The following EFHC1 variants were observed in gnomAD, a reference collection of about 807,000 sequenced individuals.
The protein encoded by EFHC1 is EF-hand domain containing 1, also known as EF-hand domain-containing protein 1.
In EFHC1, 53 loss-of-function variants were observed where a neutral mutation model predicts 69.9. That is an observed-to-expected ratio of 0.76 (90% CI 0.61 to 0.95). The LOEUF (loss-of-function observed/expected upper bound fraction) is 0.95. EFHC1 is among the 40% of genes least tolerant of loss of function. The pLI is 0.00. For synonymous variants in EFHC1, 256 were observed against 278.4 expected, an observed-to-expected ratio of 0.92 and a Z score of 0.80; for missense variants, 739 against 798.7, an observed-to-expected ratio of 0.93 and a Z score of 0.90.
intron 9 of EFHC1, chr6:52,480,218 A>G: frequency 3.6e-6 from 1 of 275,408 alleles, no homozygotes; most frequent in South Asian, 4.8e-5. Flanking sequence ...AATAAGAAAG[A>G]GAAAATTATT....
In EFHC1 at chr6:52,452,741, T is replaced by C. The variant is rs141142186; in HGVS notation, c.627T>C (p.Leu209=). The C allele has an allele frequency of 1.1e-4, 180 of 1,614,104 alleles. No individual in the cohort carries two copies. Among genetic ancestry groups the C allele is most frequent in the Non-Finnish European group, 1.5e-4 (174 of 1,180,046 alleles). ...TAAATCCACCAGAGAAGATGGCTCTTGATCCTTACACTGAACTCCGAAAAC... is the reference window on the plus strand; with the variant it reads ...TAAATCCACCAGAGAAGATGGCTCTCGATCCTTACACTGAACTCCGAAAAC... The part of the protein sequence containing the change: ...IELNPPEKMA[L]DPYTELRKQP... Residue 209 remains leucine (L), a synonymous_variant, in exon 4 of 11, where the codon CTT becomes CTC. Coordinates refer to ENST00000371068, the MANE Select transcript of EFHC1 (RefSeq NM_018100.4).
intron 8 of EFHC1, 48 bp from the exon 9 acceptor site, chr6:52,479,592 G>A (rs1162069240): frequency 3.7e-6 from 6 of 1,613,442 alleles, no homozygotes; most frequent in Admixed American, 1.7e-5. Flanking sequence ...ACTCCTGATT[G>A]CGTGAGAGAA....
chr6:52,452,769 C>T lies in EFHC1; in HGVS notation c.655C>T (p.Pro219Ser). The change falls in exon 4 of 11, where the codon CCT becomes TCT. Residue 219 changes from proline (P) to serine (S), a missense_variant. Physicochemically the swap from Pro to Ser is moderately conservative, Grantham distance 74. Coordinates refer to ENST00000371068, the MANE Select transcript of EFHC1 (RefSeq NM_018100.4). ...TCCTTACACTGAACTCCGAAAACAGCCTCTTCGTAAGTATGTCACCCCATC... is the reference window on the plus strand; with the variant it reads ...TCCTTACACTGAACTCCGAAAACAGTCTCTTCGTAAGTATGTCACCCCATC... ...LDPYTELRKQ[P>S]LRKYVTPSDF... 6.2e-7 allele frequency: 1 copy of T among 1,614,162 alleles called. No homozygotes were observed. The highest frequency in any genetic ancestry group is 1.6e-4 in the Middle Eastern group (1 of 6,062).
chr6:52,495,277 A>C lies in EFHC1; in HGVS notation c.*2936A>C, dbSNP rs1006547700. The C allele has an allele frequency of 2.2e-6, 1 of 454,066 alleles. No individual in the cohort carries two copies. Among genetic ancestry groups the C allele is most frequent in the South Asian group, 1.6e-5 (1 of 64,474 alleles). The allele number at this position is 454,066 out of a possible 1,614,324, so 28.1% of individuals were successfully genotyped here. A position where few individuals can be genotyped will look rare whatever the true frequency, so the allele number is the denominator to read the frequency against. On this transcript the variant is annotated 3_prime_UTR_variant, in exon 11 of 11. Transcript: ENST00000371068. ...AGGTACCCCAAATCTTATGCTCTCC[A>C]AACTCCAGGGGACAGACACATGTCA...
intron 5 of EFHC1, among the ~76,000 whole-genome samples, chr6:52,456,995 G>T (rs1028785908): frequency 6.6e-6 from 1 of 152,108 alleles, no homozygotes; most frequent in Non-Finnish European, 1.5e-5. Flanking sequence ...TAACTAGAAG[G>T]GTAGTGTTAA....
At chr6:52,424,348 G>A (rs1764259004) in intron 2 of EFHC1, among the ~76,000 whole-genome samples, 181 bp downstream of exon 2, 1 of 152,198 alleles carries the variant, frequency 6.6e-6, no homozygotes, top group Admixed American at 6.5e-5. Context: ...TCTTTAGTCA[G>A]GAAGCTGATT....
intron 3 of EFHC1, among the ~76,000 whole-genome samples, chr6:52,450,277 T>G (rs559522092): frequency 6.6e-6 from 1 of 152,220 alleles, no homozygotes; most frequent in Non-Finnish European, 1.5e-5. Flanking sequence ...TAACGTATAC[T>G]CTGTTGTTTT....
chr6:52,469,631 G>A (rs1415378837), intron 7 of EFHC1, among the ~76,000 whole-genome samples, 158 bp downstream of exon 7: 2 of 152,154 alleles, frequency 1.3e-5, no homozygotes, highest in Non-Finnish European at 2.9e-5. Context: ...AGGTTGGATA[G>A]TATTAAGTAT....
intron 2 of EFHC1, chr6:52,430,417 AG>A (rs1386462301): frequency 1.3e-5 from 2 of 152,144 alleles, no homozygotes; most frequent in African/African-American, 4.8e-5. Flanking sequence ...TTAATCAGAA[AG>A]GGGTACTAGA....
Position 52,469,442 on chromosome 6 carries a change from A to T in EFHC1, c.1247A>T (p.Asp416Val). The T allele has an allele frequency of 6.2e-7, 1 of 1,614,018 alleles. No homozygotes were observed. Among genetic ancestry groups the T allele is most frequent in the Non-Finnish European group, 8.5e-7 (1 of 1,179,946 alleles). Residue 416 changes from aspartate to valine, a missense_variant, in exon 7 of 11, where the codon GAT (aspartate) becomes GTT (valine). Transcript: ENST00000371068. The part of the protein sequence containing the change: ...KKDVIKMLVN[D>V]NKVLRYLAVL... ...GACGTTATTAAAATGCTGGTGAATG[A>T]TAACAAGGTGCTTCGTTATTTGGCT...
At chr6:52,428,259 G>C (rs140166084) in intron 2 of EFHC1, 14,906 of 152,090 alleles carry the variant, frequency 0.098, 821 homozygotes, top group Middle Eastern at 0.24. Context: ...TTCTATAGTG[G>C]TGATTTGTGA....
chr6:52,453,719 A>G (rs1310599718), intron 4 of EFHC1: 5 of 1,246,942 alleles, frequency 4.0e-6, no homozygotes, highest in East Asian at 1.1e-4. Context: ...AATTTTTTCT[A>G]CACTAATTAT....
intron 4 of EFHC1, chr6:52,453,045 C>G: frequency 2.0e-6 from 3 of 1,515,224 alleles, no homozygotes; most frequent in Non-Finnish European, 2.6e-6. Context: ...CAAAGAAGAT[C>G]GTGGAGTTGC....
In EFHC1 at chr6:52,458,528, A is replaced by G. The variant is rs1765093533; in HGVS notation, c.916+4241A>G. ...ACACTTCTCAAAAGAAAACATACAA[A>G]TGGACAACAAACATTTTAAAAATGC... On this transcript the variant is annotated intron_variant, in intron 5 of 10. Coordinates refer to ENST00000371068, the MANE Select transcript of EFHC1 (RefSeq NM_018100.4). Among the ~76,000 whole-genome samples, 3 of 152,334 alleles carry G rather than the reference A, an allele frequency of 2.0e-5. No individual in the cohort carries two copies. The South Asian group carries it at 6.2e-4, about 32-fold the overall frequency.
chr6:52,465,159 T>C (rs937533552), intron 6 of EFHC1, 44 bp downstream of exon 6: 2 of 1,560,034 alleles, frequency 1.3e-6, no homozygotes, highest in African/African-American at 1.4e-5. Flanking sequence ...AACTAATTTT[T>C]TGAGGTAGAA....
chr6:52,470,417 T>C (rs1167612622), intron 7 of EFHC1, among the ~76,000 whole-genome samples: 1 of 152,238 alleles, frequency 6.6e-6, no homozygotes, highest in East Asian at 1.9e-4. Flanking sequence ...AATTATTATA[T>C]GGTAACTATA....
intron 3 of EFHC1, among the ~76,000 whole-genome samples, chr6:52,449,212 T>C (rs1431445726): frequency 1.3e-5 from 2 of 151,936 alleles, no homozygotes; most frequent in African/African-American, 2.4e-5. Flanking sequence ...TGAAACCCCA[T>C]CTCTACTAAA....
rs886061631 is a variant in EFHC1, at chr6:52,492,889, T to TTA, written c.*551_*552dup. The TTA allele has an allele frequency of 5.5e-5, 25 of 453,960 alleles. No individual in the cohort carries two copies. The highest frequency in any genetic ancestry group is 6.9e-4 in the Middle Eastern group (1 of 1,442). The allele number at this position is 453,960 out of a possible 1,614,324, so 28.1% of individuals were successfully genotyped here. Reference sequence around the variant, plus strand: ...ACCTCAGCCTCCAAAAGTGCTGGGATTATAGGCATGAGCCACTGTGCCCAG... The same window carrying TTA: ...ACCTCAGCCTCCAAAAGTGCTGGGATTATATAGGCATGAGCCACTGTGCCCAG... On this transcript the variant is annotated 3_prime_UTR_variant, in exon 11 of 11. Coordinates refer to ENST00000371068, the MANE Select transcript of EFHC1 (RefSeq NM_018100.4).
At chr6:52,432,149 C>T (rs543773745) in intron 2 of EFHC1, among the ~76,000 whole-genome samples, 9 of 152,174 alleles carry the variant, frequency 5.9e-5, no homozygotes, top group East Asian at 1.9e-4. Flanking sequence ...ATCCATTCTG[C>T]GATTCTGTAT....
Sources: gnomAD v4.1 joint callset for allele counts (sites outside exome capture counted in the v4.1 genomes callset) on GRCh38, gnomAD v4.1.1 for gene constraint, MANE v1.5 for transcripts, NCBI Gene and HGNC (gene_info 2026-07-23, HGNC 2026-07-21) for gene names.